Variants in WWOX observed in about 807,000 individuals in gnomAD.
The protein encoded by WWOX is WW domain-containing oxidoreductase.
WWOX carries 69 observed loss-of-function variants against 46.2 expected under a neutral mutation model. The observed-to-expected ratio is 1.49, with a 90% CI of 1.23 to 1.82. The LOEUF is 1.82. WWOX is among the 40% of genes most tolerant of loss of function. The pLI is 0.00. For missense variants in WWOX, 919 were observed against 542.6 expected, an observed-to-expected ratio of 1.69 and a Z score of -6.89; for synonymous variants, 359 against 202.6, an observed-to-expected ratio of 1.77 and a Z score of -6.56.
chr16:78,460,221 G>A (rs1227566289), intron 8 of WWOX, among the ~76,000 whole-genome samples: 3 of 148,094 alleles, frequency 2.0e-5, no homozygotes, highest in African/African-American at 2.5e-5. Flanking sequence ...TGTGCCTCCC[G>A]GATTCAAGAG....
intron 5 of WWOX, among the ~76,000 whole-genome samples, chr16:78,186,654 A>G (rs774368838): frequency 3.9e-5 from 6 of 152,154 alleles, no homozygotes; most frequent in Non-Finnish European, 7.4e-5. Flanking sequence ...AATCCCAGCT[A>G]CTGAGGAGGC....
intron 6 of WWOX, among the ~76,000 whole-genome samples, chr16:78,422,893 T>TTC (rs2082984996): frequency 2.0e-5 from 3 of 147,452 alleles, no homozygotes; most frequent in Non-Finnish European, 4.5e-5. Context: ...ACATATATTT[T>TTC]TTTTTTCTTT....
Position 78,235,720 on chromosome 16 carries a change from T to TG in WWOX, c.516+71431_516+71432insG, listed in dbSNP as rs2037413496. ...AGGCTTTCCAGCCAGGCCACCCTGT[T>TG]TACAAGGCTGTCCTCACGTCATGGG... On this transcript the variant is annotated intron_variant, in intron 5 of 8. Transcript: ENST00000566780. Among the ~76,000 whole-genome samples the TG allele has an allele frequency of 3.3e-5, 5 of 152,196 alleles. No homozygotes were observed. In the South Asian group the frequency reaches 1.0e-3, roughly 32 times the overall value.
At chr16:78,171,415 T>A (rs1260214187) in intron 5 of WWOX, among the ~76,000 whole-genome samples, 1 of 152,170 alleles carries the variant, frequency 6.6e-6, no homozygotes, top group African/African-American at 2.4e-5. Flanking sequence ...AAAGCTTAAG[T>A]CCCATGATTT....
In WWOX at chr16:78,597,623, G is replaced by GT. The variant is rs1409819717; in HGVS notation, c.1056+164878dup. Among the ~76,000 whole-genome samples the GT allele has an allele frequency of 2.6e-5, 4 of 151,944 alleles. No homozygotes were observed. In the South Asian group the frequency reaches 6.2e-4, roughly 24 times the overall value. On this transcript the variant is annotated intron_variant, in intron 8 of 8. Coordinates refer to ENST00000566780, the MANE Select transcript of WWOX (RefSeq NM_016373.4). ...AATTAACCTCATTAAGTTTAAAATT[G>GT]TTTTTTTCTCGTTCATCTCTCTTGC...
chr16:78,574,798 A>C (rs752129798), intron 8 of WWOX, among the ~76,000 whole-genome samples: 3 of 150,500 alleles, frequency 2.0e-5, no homozygotes, highest in African/African-American at 7.3e-5. Flanking sequence ...TGCTGGGGCT[A>C]GGGGGTCAGT....
chr16:78,518,782 C>T (rs2043290344), intron 8 of WWOX, among the ~76,000 whole-genome samples: 1 of 152,168 alleles, frequency 6.6e-6, no homozygotes, highest in South Asian at 2.1e-4. Context: ...TGTCTGGCTT[C>T]AAGACAGGGA....
At chr16:78,100,212 C>T in intron 1 of WWOX, 3 of 1,174,380 alleles carry the variant, frequency 2.6e-6, no homozygotes, top group South Asian at 2.1e-5. Context: ...TGCTCAGCTC[C>T]CTCCTGCAGG....
chr16:78,457,851 G>C (rs150901207), intron 8 of WWOX, among the ~76,000 whole-genome samples: 7,578 of 149,202 alleles, frequency 0.051, 554 homozygotes, highest in African/African-American at 0.16. Context: ...GGGAGGCGGA[G>C]CTTTCAGTGA....
chr16:78,111,344 A>G (rs764924920), intron 3 of WWOX, among the ~76,000 whole-genome samples: 3 of 152,208 alleles, frequency 2.0e-5, no homozygotes, highest in Non-Finnish European at 4.4e-5. Flanking sequence ...TATAAACACT[A>G]TTAATCATTA....
At chr16:78,707,488 A>C (rs1235693145) in intron 8 of WWOX, among the ~76,000 whole-genome samples, 2 of 152,014 alleles carry the variant, frequency 1.3e-5, no homozygotes, top group East Asian at 3.9e-4. Flanking sequence ...CTCATTCTGC[A>C]AGGTTTGCTT....
intron 8 of WWOX, among the ~76,000 whole-genome samples, chr16:78,928,349 CCCG>C (rs2045547520): frequency 2.6e-5 from 4 of 151,528 alleles, no homozygotes; most frequent in African/African-American, 9.7e-5. Context: ...ACTACAGGCG[CCCG>C]CTACCACGCC....
intron 8 of WWOX, among the ~76,000 whole-genome samples, chr16:78,937,338 A>G (rs757662398): frequency 1.3e-5 from 2 of 152,010 alleles, no homozygotes; most frequent in Non-Finnish European, 2.9e-5. Context: ...TACAGGTGTC[A>G]GATTATGCAT....
chr16:78,675,304 G>C (rs2047566539), intron 8 of WWOX, among the ~76,000 whole-genome samples: 1 of 152,116 alleles, frequency 6.6e-6, no homozygotes. Flanking sequence ...ATTGAGACAA[G>C]AACCGTACAC....
intron 8 of WWOX, among the ~76,000 whole-genome samples, chr16:78,937,873 C>T (rs982807691): frequency 6.6e-6 from 1 of 152,136 alleles, no homozygotes; most frequent in Admixed American, 6.6e-5. Context: ...AGCAATCTAC[C>T]TGCTTCTCTC....
intron 8 of WWOX, among the ~76,000 whole-genome samples, chr16:79,159,718 G>C (rs965352956): frequency 6.6e-6 from 1 of 152,160 alleles, no homozygotes; most frequent in Non-Finnish European, 1.5e-5. Context: ...AGTATTAAAC[G>C]CATGCTCAAT....
chr16:79,024,766 C>G (rs554644682), intron 8 of WWOX, among the ~76,000 whole-genome samples: 3 of 152,028 alleles, frequency 2.0e-5, no homozygotes, highest in Admixed American at 6.6e-5. Flanking sequence ...GAGACAGGGT[C>G]TCACCTTGTT....
At chr16:78,754,600 T>A (rs4887980) in intron 8 of WWOX, among the ~76,000 whole-genome samples, 13 of 151,920 alleles carry the variant, frequency 8.6e-5, no homozygotes, top group African/African-American at 3.1e-4. Flanking sequence ...CCAGTTGCAG[T>A]CTTTGGATGT....
chr16:78,407,552 G>T (rs958473778), intron 6 of WWOX, among the ~76,000 whole-genome samples: 19 of 152,154 alleles, frequency 1.2e-4, no homozygotes, highest in Admixed American at 5.9e-4. Flanking sequence ...GGTGTCTACT[G>T]CTGCTCCTAG....
Sources: allele counts gnomAD v4.1 joint callset (sites outside exome capture counted in the v4.1 genomes callset), GRCh38; gene constraint gnomAD v4.1.1; transcripts MANE v1.5; gene names NCBI Gene and HGNC (gene_info 2026-07-23, HGNC 2026-07-21).